Variants in TCOF1 observed in about 807,000 individuals in gnomAD.
TCOF1 encodes treacle protein.
TCOF1 carries 33 observed loss-of-function variants against 149.0 expected under a neutral mutation model. The observed-to-expected ratio is 0.22, with a 90% CI of 0.17 to 0.30. The LOEUF (loss-of-function observed/expected upper bound fraction) is 0.30, where lower values mean the gene tolerates loss of function less well. Ranked by LOEUF, TCOF1 falls within the 10% of genes least tolerant of loss-of-function variation. The pLI is 1.00. For missense variants in TCOF1, 1,728 were observed against 1,840.7 expected (o/e 0.94, Z 1.12); for synonymous variants, 789 against 738.8 (o/e 1.07, Z -1.10).
intron 2 of TCOF1, among the ~76,000 whole-genome samples, chr5:150,362,893 C>A (rs1397533085): frequency 6.6e-6 from 1 of 152,186 alleles, no homozygotes; most frequent in Non-Finnish European, 1.5e-5. Context: ...GGACAAGGAC[C>A]TCAAACCCAC....
At chr5:150,398,679 A>T (rs1769110454) in intron 25 of TCOF1, among the ~76,000 whole-genome samples, 1 of 151,508 alleles carries the variant, frequency 6.6e-6, no homozygotes, top group African/African-American at 2.4e-5. Flanking sequence ...GGAAGGAGAG[A>T]CTCCCCCCAG....
At chr5:150,390,644 C>T (rs1031175259) in intron 19 of TCOF1, among the ~76,000 whole-genome samples, 1 of 148,104 alleles carries the variant, frequency 6.8e-6, no homozygotes, top group Non-Finnish European at 1.5e-5. Context: ...TCTGACCTCT[C>T]TTCCTGAGGG....
At chr5:150,359,517 A>G (rs1759529720) in intron 1 of TCOF1, among the ~76,000 whole-genome samples, 1 of 152,146 alleles carries the variant, frequency 6.6e-6, no homozygotes, top group Non-Finnish European at 1.5e-5. Flanking sequence ...CAGTATCCTA[A>G]GTAGTCAGAT....
intron 24 of TCOF1, among the ~76,000 whole-genome samples, chr5:150,397,049 C>T (rs1768699751): frequency 6.8e-6 from 1 of 147,182 alleles, no homozygotes; most frequent in African/African-American, 2.5e-5. Context: ...ATCTCAGCTA[C>T]ATGGGAGGCT....
intron 20 of TCOF1, 106 bp downstream of exon 20, chr5:150,391,763 G>A: frequency 7.9e-7 from 1 of 1,260,308 alleles, no homozygotes. Flanking sequence ...CTCTGCACTT[G>A]GTTTGCCTCC....
At chr5:150,358,398 G>A (rs1239474871) in intron 1 of TCOF1, among the ~76,000 whole-genome samples, 1 of 152,194 alleles carries the variant, frequency 6.6e-6, no homozygotes, top group East Asian at 1.9e-4. Context: ...TAATTCAACT[G>A]TTAATCCGGT....
chr5:150,380,168 G>C (rs1383028456), intron 17 of TCOF1: 1 of 230,798 alleles, frequency 4.3e-6, no homozygotes, highest in South Asian at 5.6e-5. Flanking sequence ...TAAGGCTCCA[G>C]TTCCACCATG....
At chr5:150,368,393 T>A in intron 4 of TCOF1, 1 of 416,548 alleles carries the variant, frequency 2.4e-6, no homozygotes, top group Non-Finnish European at 4.4e-6. Context: ...TATAAAGAAT[T>A]GTGCCTCTGC....
At chr5:150,391,685 GCC>G in intron 20 of TCOF1, 28 bp downstream of exon 20, 1 of 1,598,148 alleles carries the variant, frequency 6.3e-7, no homozygotes, top group Non-Finnish European at 8.6e-7. Flanking sequence ...GGGGAAGCAA[GCC>G]CACGGAGCGT....
Position 150,376,547 on chromosome 5 carries a change from C to G in TCOF1, c.2267C>G (p.Ala756Gly). ...GGGCCTACAGTCACCCAGGTGAAAGCTGAAAAGCAGGAAGACTCTGAGAGC... is the reference window on the plus strand; with the variant it reads ...GGGCCTACAGTCACCCAGGTGAAAGGTGAAAAGCAGGAAGACTCTGAGAGC... ...KTGPTVTQVKAEKQEDSESSE... is the reference protein window; with the variant it reads ...KTGPTVTQVKGEKQEDSESSE... Residue 756 changes from alanine (A) to glycine (G), a missense_variant, in exon 14 of 27, where the codon GCT (alanine) becomes GGT (glycine). Physicochemically the swap from Ala to Gly is moderately conservative, Grantham distance 60. This residue lies in a region of TCOF1 where 1,696 missense variants were observed against 1,765.4 expected (regional missense o/e 0.96). Transcript: ENST00000643257. 2 of 1,606,700 alleles carry G rather than the reference C, an allele frequency of 1.2e-6. No homozygotes were observed.
At chr5:150,384,916 G>T in intron 17 of TCOF1, 4 of 985,432 alleles carry the variant, frequency 4.1e-6, no homozygotes, top group Non-Finnish European at 4.8e-6. Context: ...TGAGGCCAGG[G>T]TGGTGGGCAG....
Position 150,396,274 on chromosome 5 carries a change from C to T in TCOF1, c.3785-8C>T, listed in dbSNP as rs995296960. ...CCAGATCTGTGACCCCACATTCTCT[C>T]TCCATAGGTGGAAAAGAGGCTGCTT... On this transcript the variant is annotated splice_region_variant and splice_polypyrimidine_tract_variant and intron_variant, in intron 23 of 26. Coordinates refer to ENST00000643257, the MANE Select transcript of TCOF1 (RefSeq NM_001371623.1). The T allele has an allele frequency of 9.3e-6, 15 of 1,614,060 alleles. No individual in the cohort carries two copies. Among genetic ancestry groups the T allele is most frequent in the Middle Eastern group, 1.7e-4 (1 of 6,060 alleles).
At chr5:150,383,696 G>C in intron 17 of TCOF1, 1 of 1,546,214 alleles carries the variant, frequency 6.5e-7, no homozygotes. Context: ...AGGTCCAAAC[G>C]CTGGTCCCCT....
At chr5:150,382,108 T>G (rs1581158001) in intron 17 of TCOF1, among the ~76,000 whole-genome samples, 1 of 152,194 alleles carries the variant, frequency 6.6e-6, no homozygotes, top group East Asian at 1.9e-4. Context: ...CACTTGAACC[T>G]GTGGAGGAGG....
At chr5:150,397,915 G>A (rs1000456633) in intron 24 of TCOF1, among the ~76,000 whole-genome samples, 14 of 152,086 alleles carry the variant, frequency 9.2e-5, no homozygotes, top group African/African-American at 3.4e-4. Flanking sequence ...CACCACAGCT[G>A]CCAGCCTGTT....
At chr5:150,392,552 G>A in intron 21 of TCOF1, 153 bp from the exon 22 acceptor site, 2 of 723,922 alleles carry the variant, frequency 2.8e-6, no homozygotes, top group South Asian at 1.5e-5. Context: ...AGTGTGCAAG[G>A]AGTGTTGAAG....
Position 150,379,708 on chromosome 5 carries a change from A to G in TCOF1, c.2835A>G (p.Ala945=), listed in dbSNP as rs1764626531. 1 of 1,614,150 alleles carries G rather than the reference A, an allele frequency of 6.2e-7. No homozygotes were observed. Among genetic ancestry groups the G allele is most frequent in the Non-Finnish European group, 8.5e-7 (1 of 1,180,038 alleles). ...AGGAATCAGACAGTGATGGGGAGGC[A>G]CCGGCAGCTGTGACCTCTGCCCAGG... ...SSEESDSDGE[A]PAAVTSAQVI... The change falls in exon 17 of 27, where the codon GCA becomes GCG. Residue 945 remains alanine (A), a synonymous_variant. Coordinates refer to ENST00000643257, the MANE Select transcript of TCOF1 (RefSeq NM_001371623.1).
Position 150,387,966 on chromosome 5 carries a change from C to T in TCOF1, c.2924C>T (p.Pro975Leu), listed in dbSNP as rs1766617738. The T allele has an allele frequency of 1.2e-6, 2 of 1,614,042 alleles. No individual in the cohort carries two copies. The highest frequency in any genetic ancestry group is 1.7e-6 in the Non-Finnish European group (2 of 1,180,048). ...NRSPAGPAAT[P>L]AQAQAASTPR... ...AGTCCAGCTGGCCCAGCTGCTACAC[C>T]CGCACAAGCCCAGGCTGCAAGCACC... Residue 975 changes from proline (P) to leucine (L), a missense_variant, in exon 18 of 27, where the codon CCC becomes CTC. Physicochemically the swap from Pro to Leu is moderately conservative, Grantham distance 98. Coordinates refer to ENST00000643257, the MANE Select transcript of TCOF1 (RefSeq NM_001371623.1).
At chr5:150,384,612 TAAAATG>T (rs1411699810) in intron 17 of TCOF1, 1 of 985,330 alleles carries the variant, frequency 1.0e-6, no homozygotes, top group Admixed American at 6.1e-5. Context: ...CTAACACAAT[TAAAATG>T]AACATCCTGC....
Sources: allele counts gnomAD v4.1 joint callset (sites outside exome capture counted in the v4.1 genomes callset), GRCh38; gene constraint gnomAD v4.1.1; regional missense constraint gnomAD v4.1.1; transcripts MANE v1.5; gene names NCBI Gene and HGNC (gene_info 2026-07-23, HGNC 2026-07-21).